TENM3: variants seen among roughly 807,000 people sequenced by gnomAD.
The protein encoded by TENM3 is teneurin transmembrane protein 3.
TENM3 carries 63 observed loss-of-function variants against 255.1 expected under a neutral mutation model. The ratio of observed to expected loss-of-function variants is 0.25; its 90% CI spans 0.20 to 0.30. The LOEUF (loss-of-function observed/expected upper bound fraction) is 0.30. Among genes scored for constraint, TENM3 ranks in the 10% least tolerant of loss-of-function variants. The pLI is 1.00. For missense variants in TENM3, 2,929 were observed against 3,461.1 expected (o/e 0.85, Z 3.86); for synonymous variants, 1,306 against 1,322.3 (o/e 0.99, Z 0.27).
chr4:181,566,100 G>GAA, the TENM3 span, among the ~76,000 whole-genome samples: 22 of 151,382 alleles, frequency 1.5e-4, no homozygotes, highest in Admixed American at 4.0e-4. Flanking sequence ...GTTTGGCGAA[G>GAA]AAAAAAAAAT....
the TENM3 span, among the ~76,000 whole-genome samples, chr4:181,641,569 T>TATATATAC: frequency 1.3e-4 from 8 of 61,400 alleles, no homozygotes; most frequent in South Asian, 4.2e-3. Context: ...TATATATATA[T>TATATATAC]ATATATATAT....
intron 1 of TENM3, among the ~76,000 whole-genome samples, chr4:182,299,895 G>C (rs1451238323): frequency 2.0e-5 from 3 of 151,428 alleles, no homozygotes; most frequent in Non-Finnish European, 4.4e-5. Flanking sequence ...GAAAAGACCT[G>C]CTGTATTCAA....
intron 1 of TENM3, among the ~76,000 whole-genome samples, chr4:182,177,965 T>TTTG (rs1554026703): frequency 1.4e-5 from 2 of 139,264 alleles, no homozygotes; most frequent in Admixed American, 1.4e-4. Context: ...TTTGTTTTTT[T>TTTG]TTTTTTTTTT....
intron 3 of TENM3, among the ~76,000 whole-genome samples, chr4:182,400,187 G>C (rs114285349): frequency 0.011 from 1,633 of 152,062 alleles, 15 homozygotes; most frequent in Middle Eastern, 0.02. Flanking sequence ...TTTGGCTATG[G>C]TTTTCATTGG....
chr4:182,401,365 T>C (rs1769203163), intron 3 of TENM3, among the ~76,000 whole-genome samples: 1 of 152,232 alleles, frequency 6.6e-6, no homozygotes, highest in Admixed American at 6.5e-5. Context: ...ACTTTACTGT[T>C]CCTTAATGAA....
chr4:182,599,222 A>T (rs1747587074), intron 3 of TENM3, among the ~76,000 whole-genome samples: 1 of 152,204 alleles, frequency 6.6e-6, no homozygotes, highest in Non-Finnish European at 1.5e-5. Flanking sequence ...TAAATCTTTC[A>T]TGAATTTTAA....
intron 3 of TENM3, among the ~76,000 whole-genome samples, chr4:182,469,247 T>C (rs1219327393): frequency 6.6e-6 from 1 of 152,224 alleles, no homozygotes; most frequent in Non-Finnish European, 1.5e-5. Context: ...TGTTAGTCTC[T>C]GCTATCATAT....
At chr4:182,674,850 C>G (rs959625822) in intron 7 of TENM3, among the ~76,000 whole-genome samples, 3 of 152,044 alleles carry the variant, frequency 2.0e-5, no homozygotes, top group African/African-American at 7.2e-5. Flanking sequence ...GGATTACAGG[C>G]ATGAGCCACC....
At chr4:181,510,407 A>G in the TENM3 span, among the ~76,000 whole-genome samples, 1 of 152,178 alleles carries the variant, frequency 6.6e-6, no homozygotes, top group Admixed American at 6.5e-5. Flanking sequence ...TGCTATCCTC[A>G]GAGCTGTCCA....
At chr4:181,671,134 T>C in the TENM3 span, among the ~76,000 whole-genome samples, 1 of 152,200 alleles carries the variant, frequency 6.6e-6, no homozygotes, top group African/African-American at 2.4e-5. Context: ...TGAAGAGCTC[T>C]GAGAGTTGCC....
the TENM3 span, among the ~76,000 whole-genome samples, chr4:182,105,453 C>G: frequency 6.6e-6 from 1 of 152,156 alleles, no homozygotes; most frequent in Non-Finnish European, 1.5e-5. Context: ...TTCCCGAAAC[C>G]ATCATCAGTT....
the TENM3 span, among the ~76,000 whole-genome samples, chr4:182,021,123 T>C: frequency 3.3e-5 from 5 of 152,206 alleles, no homozygotes; most frequent in Non-Finnish European, 7.3e-5. Flanking sequence ...TGTTTATATG[T>C]ACCCAATGTT....
chr4:181,960,941 C>G, the TENM3 span, among the ~76,000 whole-genome samples: 1 of 152,316 alleles, frequency 6.6e-6, no homozygotes, highest in East Asian at 1.9e-4. Flanking sequence ...AGCTCTGTGA[C>G]AGCCATTGCA....
At chr4:182,417,043 G>C (rs571964739) in intron 3 of TENM3, among the ~76,000 whole-genome samples, 3 of 152,040 alleles carry the variant, frequency 2.0e-5, no homozygotes, top group East Asian at 1.9e-4. Context: ...GTGCGATCTC[G>C]GCTCACTGCA....
chr4:182,335,309 A>ATAAC (rs761016988), intron 2 of TENM3, among the ~76,000 whole-genome samples: 1 of 73,198 alleles, frequency 1.4e-5, no homozygotes, highest in African/African-American at 5.1e-5. Flanking sequence ...CCATCCTGTG[A>ATAAC]ATGGTGAAAC....
chr4:182,264,418 GTCTC>G (rs1433967122), intron 1 of TENM3, among the ~76,000 whole-genome samples: 1 of 152,184 alleles, frequency 6.6e-6, no homozygotes, highest in Non-Finnish European at 1.5e-5. Flanking sequence ...CTTTCTCTTG[GTCTC>G]TGCCTTCCAG....
the TENM3 span, among the ~76,000 whole-genome samples, chr4:181,491,119 G>GA: frequency 2.1e-3 from 314 of 148,898 alleles, 1 homozygote; most frequent in South Asian, 5.1e-3. Context: ...TGGTCTACCT[G>GA]AAAAAAAAAG....
intron 13 of TENM3, among the ~76,000 whole-genome samples, chr4:182,715,665 A>G (rs569658432): frequency 4.6e-5 from 7 of 152,220 alleles, no homozygotes; most frequent in African/African-American, 1.7e-4. Context: ...TTGCCTTTCT[A>G]TACCTATAGA....
At chr4:181,694,441 A>G in the TENM3 span, among the ~76,000 whole-genome samples, 1 of 152,232 alleles carries the variant, frequency 6.6e-6, no homozygotes, top group African/African-American at 2.4e-5. Flanking sequence ...TCAAGGTGTT[A>G]ACAGGCTCGT....
Sources: allele counts gnomAD v4.1 joint callset (sites outside exome capture counted in the v4.1 genomes callset), GRCh38; gene constraint gnomAD v4.1.1; transcripts MANE v1.5; gene names NCBI Gene and HGNC (gene_info 2026-07-23, HGNC 2026-07-21).